Variants in KCNMB2 observed in about 807,000 individuals in gnomAD.
The protein encoded by KCNMB2 is calcium-activated potassium channel subunit beta-2.
KCNMB2 carries 9 observed loss-of-function variants against 24.5 expected under a neutral mutation model. That is an observed-to-expected ratio of 0.37 (90% CI 0.22 to 0.64). The LOEUF is 0.64. KCNMB2 is among the 30% of genes least tolerant of loss of function. The pLI is 0.63. For missense variants in KCNMB2, 226 were observed against 284.3 expected (o/e 0.79, Z 1.47); for synonymous variants, 109 against 104.4 (o/e 1.04, Z -0.27).
At chr3:178,590,862 C>T (rs1717643590) in intron 1 of KCNMB2, among the ~76,000 whole-genome samples, 2 of 152,166 alleles carry the variant, frequency 1.3e-5, no homozygotes, top group African/African-American at 4.8e-5. Context: ...TAGGATCCCA[C>T]TGCAATTACG....
intron 1 of KCNMB2, among the ~76,000 whole-genome samples, chr3:178,541,175 AG>A (rs1715603503): frequency 6.6e-6 from 1 of 152,140 alleles, no homozygotes; most frequent in South Asian, 2.1e-4. Flanking sequence ...CCTGCACAGG[AG>A]GGGGAAAAAA....
intron 1 of KCNMB2, among the ~76,000 whole-genome samples, chr3:178,622,791 C>T (rs1192012817): frequency 6.6e-6 from 1 of 152,186 alleles, no homozygotes; most frequent in Non-Finnish European, 1.5e-5. Context: ...CTGAGTACAG[C>T]ATCACAAACC....
At chr3:178,646,493 A>G (rs112577119) in intron 1 of KCNMB2, among the ~76,000 whole-genome samples, 7 of 152,314 alleles carry the variant, frequency 4.6e-5, no homozygotes, top group African/African-American at 1.7e-4. Flanking sequence ...TGTTTCTCTG[A>G]CTTATAGGAA....
chr3:178,829,955 T>C (rs1444204355), intron 4 of KCNMB2, among the ~76,000 whole-genome samples: 15 of 152,114 alleles, frequency 9.9e-5, no homozygotes, highest in Admixed American at 8.5e-4. Context: ...AGCTCAAGTA[T>C]GACAAACAGA....
chr3:178,689,935 A>G (rs1160780721), intron 1 of KCNMB2, among the ~76,000 whole-genome samples: 1 of 151,952 alleles, frequency 6.6e-6, no homozygotes, highest in East Asian at 1.9e-4. Flanking sequence ...GACAAAGGAA[A>G]GGAGAGAGAC....
At chr3:178,733,096 G>C (rs1462215333) in intron 1 of KCNMB2, among the ~76,000 whole-genome samples, 4 of 152,206 alleles carry the variant, frequency 2.6e-5, no homozygotes, top group Non-Finnish European at 5.9e-5. Context: ...TAAAAATAGA[G>C]TAGATAAATG....
chr3:178,716,792 A>G (rs1722633327), intron 1 of KCNMB2, among the ~76,000 whole-genome samples: 2 of 152,128 alleles, frequency 1.3e-5, no homozygotes, highest in Non-Finnish European at 2.9e-5. Flanking sequence ...TTTTCCACAT[A>G]TATGCATATT....
At chr3:178,699,361 C>G (rs999454730) in intron 1 of KCNMB2, among the ~76,000 whole-genome samples, 9 of 152,198 alleles carry the variant, frequency 5.9e-5, no homozygotes, top group Non-Finnish European at 4.4e-5. Context: ...ACTCTTGCAT[C>G]CTGATGGGCA....
In KCNMB2 at chr3:178,759,330, T is replaced by TCTCTCCAAGAGG. The variant is rs1711575233; in HGVS notation, c.-67-48013_-67-48012insCTCTCCAAGAGG. 1.0e-3 allele frequency among the ~76,000 whole-genome samples: 110 copies of TCTCTCCAAGAGG among 108,902 alleles called. 41 individuals are homozygous for TCTCTCCAAGAGG. The highest frequency in any genetic ancestry group is 2.0e-3 in the Admixed American group (21 of 10,316). 71.4% of individuals were successfully genotyped at this position (108,902 alleles called of 152,430 possible). ...ATCTCCAAGAGGATATATATATATATATATCTCCAAGAGGATATATATATA... is the reference window on the plus strand; with the variant it reads ...ATCTCCAAGAGGATATATATATATATCTCTCCAAGAGGATATCTCCAAGAGGATATATATATA... On this transcript the variant is annotated intron_variant, in intron 1 of 4. Transcript: ENST00000452583.
chr3:178,622,915 G>C (rs1718974948), intron 1 of KCNMB2, among the ~76,000 whole-genome samples: 1 of 152,190 alleles, frequency 6.6e-6, no homozygotes, highest in Admixed American at 6.5e-5. Flanking sequence ...TAAGTTTCAA[G>C]CCCAGTTAAC....
intron 1 of KCNMB2, among the ~76,000 whole-genome samples, chr3:178,583,986 G>T (rs1413297745): frequency 6.6e-6 from 1 of 152,180 alleles, no homozygotes; most frequent in African/African-American, 2.4e-5. Context: ...GAAAACTTAG[G>T]TTGAAATCAT....
chr3:178,795,882 T>A (rs1006617261), intron 1 of KCNMB2, among the ~76,000 whole-genome samples: 4 of 152,220 alleles, frequency 2.6e-5, no homozygotes, highest in African/African-American at 9.6e-5. Context: ...CAGATTCTTT[T>A]AATGCACTAA....
At chr3:178,765,636 C>CGTGTGCATGTGTTCCTGTCCATGTGT (rs71181249) in intron 1 of KCNMB2, among the ~76,000 whole-genome samples, 50,385 of 151,476 alleles carry the variant, frequency 0.33, 9,775 homozygotes, top group African/African-American at 0.55. Context: ...TGTGCACGCG[C>CGTGTGCATGTGTTCCTGTCCATGTGT]GTGTGCATGT....
At position 178,710,059 on chromosome 3, in the gene KCNMB2, AC is replaced by A. The variant is rs1177157137; in HGVS notation, c.-67-97282del. ...TCTGAACTCTGAAGCTCCTGTGTGT[AC>A]CTATCCATTCAGATAACCTCCCATC... On this transcript the variant is annotated intron_variant, in intron 1 of 4. Coordinates refer to ENST00000452583, the MANE Select transcript of KCNMB2 (RefSeq NM_181361.3). Among the ~76,000 whole-genome samples, 8 of 152,122 alleles carry A rather than the reference AC, an allele frequency of 5.3e-5. No individual in the cohort carries two copies. In the East Asian group the frequency reaches 1.5e-3, roughly 29 times the overall value.
intron 1 of KCNMB2, among the ~76,000 whole-genome samples, chr3:178,620,008 A>G (rs1433949985): frequency 1.3e-5 from 2 of 152,168 alleles, no homozygotes; most frequent in Non-Finnish European, 2.9e-5. Flanking sequence ...TCCTTTTGTA[A>G]GTTCTTTAAT....
intron 1 of KCNMB2, among the ~76,000 whole-genome samples, chr3:178,652,352 G>A (rs929995566): frequency 6.6e-6 from 1 of 152,026 alleles, no homozygotes; most frequent in African/African-American, 2.4e-5. Flanking sequence ...AGCATTAGGA[G>A]AAATACCTAA....
intron 1 of KCNMB2, among the ~76,000 whole-genome samples, chr3:178,537,757 A>G (rs1432402903): frequency 6.6e-6 from 1 of 152,202 alleles, no homozygotes; most frequent in African/African-American, 2.4e-5. Flanking sequence ...TGGCAGAAAC[A>G]TAGTAAGTGA....
rs556287120 is a variant in KCNMB2, at chr3:178,537,093, A to G, written c.-68+382A>G. On this transcript the variant is annotated intron_variant, in intron 1 of 4. Transcript: ENST00000452583. ...GAAGGCATAAAGGTCCAAGAAAAAT[A>G]AAGAGGAAGCTGTCCTTAAGATTTG... Among the ~76,000 whole-genome samples the G allele has an allele frequency of 1.4e-4, 22 of 152,320 alleles. No individual in the cohort carries two copies. The East Asian group carries it at 3.9e-3, about 27-fold the overall frequency.
chr3:178,801,047 G>C (rs926174598), intron 1 of KCNMB2, among the ~76,000 whole-genome samples: 2 of 152,038 alleles, frequency 1.3e-5, no homozygotes, highest in Non-Finnish European at 2.9e-5. Context: ...CAGGAATGGA[G>C]GGAGAAAATG....
Sources: allele counts gnomAD v4.1 joint callset (sites outside exome capture counted in the v4.1 genomes callset), GRCh38; gene constraint gnomAD v4.1.1; transcripts MANE v1.5; gene names NCBI Gene and HGNC (gene_info 2026-07-23, HGNC 2026-07-21).